SNX3: variants seen among roughly 807,000 people sequenced by gnomAD.
The protein encoded by SNX3 is sorting nexin 3, also known as sorting nexin-3.
A neutral mutation model predicts 17.7 loss-of-function variants in SNX3; 5 were observed. The observed-to-expected ratio is 0.28, with a 90% CI of 0.15 to 0.59. The LOEUF is 0.59. Among genes scored for constraint, SNX3 ranks in the 20% least tolerant of loss-of-function variants. The pLI is 0.88. For synonymous variants in SNX3, 91 were observed against 76.5 expected (o/e 1.19, Z -0.99); for missense variants, 132 against 206.8 (o/e 0.64, Z 2.22).
At chr6:108,234,869 A>C (rs1775276912) in intron 1 of SNX3, among the ~76,000 whole-genome samples, 1 of 152,204 alleles carries the variant, frequency 6.6e-6, no homozygotes. Flanking sequence ...ATCTAACTCT[A>C]GGCAAAATGC....
Position 108,211,753 on chromosome 6 carries a change from T to C in SNX3, c.*396A>G, listed in dbSNP as rs1774410872. The C allele has an allele frequency of 5.6e-6, 1 of 178,614 alleles. No homozygotes were observed. 11.1% of individuals were successfully genotyped at this position (178,614 alleles called of 1,614,324 possible). The stretch of plus-strand genomic sequence containing the variant: ...GCTCCTACACATAAATGGGGTCAAG[T>C]GACATCACAAATTAAAAGGGGGAAA... On this transcript the variant is annotated 3_prime_UTR_variant, in exon 4 of 4. Transcript: ENST00000230085.
At chr6:108,256,553 T>C (rs722762) in intron 1 of SNX3, among the ~76,000 whole-genome samples, 51,071 of 152,126 alleles carry the variant, frequency 0.34, 10,663 homozygotes, top group East Asian at 0.63. Flanking sequence ...CACACCTATT[T>C]CACAGAGGGG....
At chr6:108,221,532 C>CTTTT (rs554429322) in intron 2 of SNX3, among the ~76,000 whole-genome samples, 2,266 of 57,780 alleles carry the variant, frequency 0.039, 731 homozygotes, top group East Asian at 0.07. Context: ...CAGTATTACA[C>CTTTT]TTTTTTTTTT....
chr6:108,214,734 A>G, intron 2 of SNX3, 112 bp from the exon 3 acceptor site: 2 of 1,148,520 alleles, frequency 1.7e-6, no homozygotes, highest in Non-Finnish European at 1.2e-6. Context: ...CGTCCGGTCA[A>G]ACTAGTTGAA....
At chr6:108,254,034 G>T (rs1392848100) in intron 1 of SNX3, among the ~76,000 whole-genome samples, 1 of 151,820 alleles carries the variant, frequency 6.6e-6, no homozygotes, top group Non-Finnish European at 1.5e-5. Context: ...GGCTGAGGGA[G>T]GAGAATGGCA....
chr6:108,218,735 T>C (rs1258237429), intron 2 of SNX3, among the ~76,000 whole-genome samples: 1 of 152,226 alleles, frequency 6.6e-6, no homozygotes, highest in Non-Finnish European at 1.5e-5. Context: ...TGAAAACATG[T>C]TAAGTGAAAG....
intron 1 of SNX3, among the ~76,000 whole-genome samples, chr6:108,228,729 T>C (rs1475683466): frequency 6.6e-6 from 1 of 151,922 alleles, no homozygotes; most frequent in Non-Finnish European, 1.5e-5. Context: ...GTGAATACAT[T>C]ATCCATTACT....
At chr6:108,226,380 A>T (rs1774975315) in intron 1 of SNX3, among the ~76,000 whole-genome samples, 1 of 152,188 alleles carries the variant, frequency 6.6e-6, no homozygotes, top group Non-Finnish European at 1.5e-5. Flanking sequence ...AGCCAAAAAG[A>T]TTTTAAAATG....
chr6:108,260,463 C>T (rs548594569), intron 1 of SNX3, among the ~76,000 whole-genome samples: 1 of 152,370 alleles, frequency 6.6e-6, no homozygotes, highest in South Asian at 2.1e-4. Context: ...GAAAGATCTA[C>T]CCCTTTCCAA....
At chr6:108,215,343 C>T (rs924154891) in intron 2 of SNX3, among the ~76,000 whole-genome samples, 10 of 145,834 alleles carry the variant, frequency 6.9e-5, no homozygotes, top group Admixed American at 1.4e-4. Context: ...AGTGAGACTC[C>T]GTCTAGAAAA....
In SNX3 at chr6:108,240,865, G is replaced by A. The variant is rs118025563; in HGVS notation, c.163-17820C>T. On this transcript the variant is annotated intron_variant, in intron 1 of 3. Transcript: ENST00000230085. Reference sequence around the variant, plus strand: ...GAGGTCTGAAAATCTGTGTGATGTCGGGCGCAGTGGCTCACGCCTATAATC... The same window carrying A: ...GAGGTCTGAAAATCTGTGTGATGTCAGGCGCAGTGGCTCACGCCTATAATC... Among the ~76,000 whole-genome samples, 833 of 152,106 alleles carry A rather than the reference G, an allele frequency of 5.5e-3. 6 individuals carry two copies. Among genetic ancestry groups the A allele is most frequent in the Non-Finnish European group, 9.1e-3 (622 of 67,988 alleles).
At chr6:108,255,404 C>T (rs189960480) in intron 1 of SNX3, among the ~76,000 whole-genome samples, 155 of 152,212 alleles carry the variant, frequency 1.0e-3, no homozygotes, top group Middle Eastern at 3.4e-3. Flanking sequence ...GGTTAGAGTG[C>T]GGTGGTATGA....
intron 1 of SNX3, among the ~76,000 whole-genome samples, chr6:108,237,764 G>A (rs1216401891): frequency 6.6e-6 from 1 of 151,680 alleles, no homozygotes; most frequent in East Asian, 1.9e-4. Flanking sequence ...ACTCCAGCCT[G>A]AGGGACAAGA....
In SNX3 at chr6:108,217,523, G is replaced by A. The variant is rs890246196; in HGVS notation, c.259-2901C>T. 2.0e-5 allele frequency among the ~76,000 whole-genome samples: 3 copies of A among 152,260 alleles called. No individual in the cohort carries two copies. In the East Asian group the frequency reaches 5.8e-4, roughly 29 times the overall value. On this transcript the variant is annotated intron_variant, in intron 2 of 3. Transcript: ENST00000230085. ...TAATCCCAGCACTTCAGGAGGCCAA[G>A]GTGGGTGGATCACCTGAGGTCAGAA...
chr6:108,212,158 T>C lies in SNX3; in HGVS notation c.480A>G (p.Arg160=), dbSNP rs564164192. Residue 160 remains arginine (R), a synonymous_variant, in exon 4 of 4, where the codon AGA becomes AGG. Transcript: ENST00000230085. ...CCCTTCTTGCCAAATTTCAGGCATG[T>C]CTTATTTTAGATGGAGTATAGCTTT... is the stretch of plus-strand genomic sequence containing the variant. ...IDKSYTPSKI[R]HA is the part of the protein sequence containing the mutation. The C allele has an allele frequency of 1.4e-5, 22 of 1,586,684 alleles. No homozygotes were observed. The South Asian group carries it at 2.5e-4, about 18-fold the overall frequency.
At chr6:108,236,493 C>T (rs1775342015) in intron 1 of SNX3, among the ~76,000 whole-genome samples, 1 of 149,786 alleles carries the variant, frequency 6.7e-6, no homozygotes, top group South Asian at 2.1e-4. Context: ...ACGCCATTCT[C>T]CTGCCTCAGC....
At chr6:108,248,832 C>T (rs967706964) in intron 1 of SNX3, among the ~76,000 whole-genome samples, 1 of 151,874 alleles carries the variant, frequency 6.6e-6, no homozygotes. Flanking sequence ...ACCATTATAG[C>T]TCACTGCAGC....
At chr6:108,238,635 T>C (rs1775427224) in intron 1 of SNX3, among the ~76,000 whole-genome samples, 1 of 152,142 alleles carries the variant, frequency 6.6e-6, no homozygotes, top group Non-Finnish European at 1.5e-5. Flanking sequence ...TTAAAAAGTG[T>C]CCAAGTTTTC....
intron 1 of SNX3, among the ~76,000 whole-genome samples, chr6:108,258,305 A>G (rs1000441897): frequency 6.6e-6 from 1 of 151,596 alleles, no homozygotes; most frequent in African/African-American, 2.4e-5. Flanking sequence ...TAAAAATACA[A>G]AAATTAGCCA....
Sources: allele counts gnomAD v4.1 joint callset (sites outside exome capture counted in the v4.1 genomes callset), GRCh38; gene constraint gnomAD v4.1.1; transcripts MANE v1.5; gene names NCBI Gene and HGNC (gene_info 2026-07-23, HGNC 2026-07-21).